Variants in CSMD3 observed in about 807,000 individuals in gnomAD.
The protein encoded by CSMD3 is CUB and Sushi multiple domains 3, also known as CUB and sushi domain-containing protein 3.
CSMD3 carries 177 observed loss-of-function variants against 435.2 expected under a neutral mutation model. That is an observed-to-expected ratio of 0.41 (90% CI 0.36 to 0.46). The LOEUF (loss-of-function observed/expected upper bound fraction) is 0.46. CSMD3 is among the 20% of genes least tolerant of loss of function. The pLI is 0.34. For synonymous variants in CSMD3, 1,656 were observed against 1,520.5 expected (o/e 1.09, Z -2.07); for missense variants, 4,265 against 4,504.6 (o/e 0.95, Z 1.52).
chr8:112,669,163 G>C (rs2075597623), intron 16 of CSMD3, among the ~76,000 whole-genome samples: 1 of 151,788 alleles, frequency 6.6e-6, no homozygotes, highest in Non-Finnish European at 1.5e-5. Context: ...CTCCCGAGTA[G>C]CTGGGATTAC....
At position 113,357,526 on chromosome 8, in the gene CSMD3, ATAATT is replaced by A. The variant is rs779193458; in HGVS notation, c.179-42738_179-42734del. 1.1e-4 allele frequency among the ~76,000 whole-genome samples: 17 copies of A among 152,326 alleles called. No individual in the cohort carries two copies. The South Asian group carries it at 3.5e-3, about 32-fold the overall frequency. On this transcript the variant is annotated intron_variant, in intron 1 of 70. Coordinates refer to ENST00000297405, the MANE Select transcript of CSMD3 (RefSeq NM_198123.2). ...AATTTAAAAATGAAAGAAGTATAAA[ATAATT>A]TAATTCAATAAACACAACGTTGTTG...
At chr8:113,111,683 T>G (rs768571655) in intron 4 of CSMD3, among the ~76,000 whole-genome samples, 1 of 152,066 alleles carries the variant, frequency 6.6e-6, no homozygotes, top group Non-Finnish European at 1.5e-5. Flanking sequence ...ATTTATGTAT[T>G]TATTTATTTA....
chr8:112,926,684 A>G (rs1310247721), intron 9 of CSMD3, among the ~76,000 whole-genome samples: 2 of 152,226 alleles, frequency 1.3e-5, no homozygotes, highest in East Asian at 3.9e-4. Context: ...TTGGCCCAAG[A>G]TAGTGAATCT....
At chr8:113,058,499 G>A (rs1429741798) in intron 5 of CSMD3, among the ~76,000 whole-genome samples, 1 of 151,684 alleles carries the variant, frequency 6.6e-6, no homozygotes, top group Admixed American at 6.6e-5. Flanking sequence ...TGGAAATACA[G>A]CCCTTAAGTT....
At chr8:113,199,086 TTAAC>T (rs1480461595) in intron 3 of CSMD3, among the ~76,000 whole-genome samples, 1 of 149,254 alleles carries the variant, frequency 6.7e-6, no homozygotes, top group Non-Finnish European at 1.5e-5. Flanking sequence ...AAACATATAT[TTAAC>T]TATATATAAT....
At chr8:112,627,294 A>C (rs1271783274) in intron 22 of CSMD3, among the ~76,000 whole-genome samples, 1 of 152,180 alleles carries the variant, frequency 6.6e-6, no homozygotes, top group Non-Finnish European at 1.5e-5. Flanking sequence ...ATAGCCAAAG[A>C]AAAAGTATGC....
At chr8:113,415,599 A>G (rs1015955981) in intron 1 of CSMD3, among the ~76,000 whole-genome samples, 1 of 152,196 alleles carries the variant, frequency 6.6e-6, no homozygotes, top group Admixed American at 6.5e-5. Context: ...AATTTGGTGG[A>G]TGTTGGCATA....
At chr8:112,343,391 G>A (rs1825365304) in intron 41 of CSMD3, among the ~76,000 whole-genome samples, 1 of 152,034 alleles carries the variant, frequency 6.6e-6, no homozygotes, top group East Asian at 1.9e-4. Flanking sequence ...TTCGAATTTA[G>A]AGTTTCCACA....
At chr8:112,754,603 C>G (rs1046332511) in intron 13 of CSMD3, among the ~76,000 whole-genome samples, 2 of 152,076 alleles carry the variant, frequency 1.3e-5, no homozygotes, top group Non-Finnish European at 2.9e-5. Flanking sequence ...GAGCAGGAAA[C>G]GTGATGGTCA....
At chr8:112,535,421 A>C (rs1563672235) in intron 27 of CSMD3, among the ~76,000 whole-genome samples, 1 of 151,552 alleles carries the variant, frequency 6.6e-6, no homozygotes, top group Non-Finnish European at 1.5e-5. Flanking sequence ...CCCATTCACA[A>C]TTGCTTCAAA....
At chr8:113,083,074 T>G (rs1238123748) in intron 5 of CSMD3, among the ~76,000 whole-genome samples, 1 of 152,108 alleles carries the variant, frequency 6.6e-6, no homozygotes, top group Non-Finnish European at 1.5e-5. Flanking sequence ...GAACTAGACA[T>G]CCAGATCTAG....
At chr8:112,794,285 C>CTTTTTTTTTTTT (rs1203991072) in intron 13 of CSMD3, among the ~76,000 whole-genome samples, 2 of 96,302 alleles carry the variant, frequency 2.1e-5, no homozygotes, top group Non-Finnish European at 2.0e-5. Flanking sequence ...GACTGATAAA[C>CTTTTTTTTTTTT]TTTTTTTTTT....
chr8:113,088,660 T>A (rs554150163), intron 5 of CSMD3, among the ~76,000 whole-genome samples: 48 of 135,128 alleles, frequency 3.6e-4, no homozygotes, highest in African/African-American at 1.2e-3. Context: ...AATTGAACAA[T>A]GAGAACACAT....
At chr8:112,676,560 C>A (rs1407425700) in intron 16 of CSMD3, among the ~76,000 whole-genome samples, 4 of 151,936 alleles carry the variant, frequency 2.6e-5, no homozygotes, top group Non-Finnish European at 5.9e-5. Context: ...GATTCTATAA[C>A]AAAATAATGA....
chr8:112,667,538 T>C (rs570417424), intron 16 of CSMD3, among the ~76,000 whole-genome samples: 1 of 152,208 alleles, frequency 6.6e-6, no homozygotes, highest in Non-Finnish European at 1.5e-5. Flanking sequence ...GTGATTTTTT[T>C]TTCTTTTTAA....
intron 5 of CSMD3, among the ~76,000 whole-genome samples, chr8:113,041,240 A>T (rs1390337371): frequency 6.8e-6 from 1 of 146,826 alleles, no homozygotes; most frequent in Non-Finnish European, 1.5e-5. Context: ...GGGGAAGGGA[A>T]GTTTTGAGAA....
chr8:113,113,002 C>A (rs774588049), intron 4 of CSMD3, among the ~76,000 whole-genome samples: 1 of 152,264 alleles, frequency 6.6e-6, no homozygotes, highest in Non-Finnish European at 1.5e-5. Context: ...TATTTATCCC[C>A]GCAATGCCAC....
chr8:113,271,467 TAC>T (rs1294156248), intron 3 of CSMD3, among the ~76,000 whole-genome samples: 1 of 152,096 alleles, frequency 6.6e-6, no homozygotes, highest in Non-Finnish European at 1.5e-5. Context: ...GGGGCCAAGG[TAC>T]AGCTCGGGCC....
intron 16 of CSMD3, among the ~76,000 whole-genome samples, chr8:112,681,592 G>A (rs1350850358): frequency 6.6e-6 from 1 of 152,002 alleles, no homozygotes; most frequent in African/African-American, 2.4e-5. Context: ...TAGGCCAAGA[G>A]CAGTGGCTCA....
Sources: allele counts gnomAD v4.1 joint callset (sites outside exome capture counted in the v4.1 genomes callset), GRCh38; gene constraint gnomAD v4.1.1; transcripts MANE v1.5; gene names NCBI Gene and HGNC (gene_info 2026-07-23, HGNC 2026-07-21).